Variants in DAB1 observed in about 807,000 individuals in gnomAD.
DAB1 encodes disabled homolog 1.
A neutral mutation model predicts 64.6 loss-of-function variants in DAB1; 15 were observed. That is an observed-to-expected ratio of 0.23 (90% confidence interval 0.16 to 0.36). The LOEUF (loss-of-function observed/expected upper bound fraction) is 0.36, where lower values mean the gene tolerates loss of function less well. Among genes scored for constraint, DAB1 ranks in the 10% least tolerant of loss-of-function variants. The pLI, the probability that DAB1 is intolerant of heterozygous loss-of-function variation, is 1.00. For synonymous variants in DAB1, 235 were observed against 251.9 expected (o/e 0.93, Z 0.64); for missense variants, 596 against 706.7 (o/e 0.84, Z 1.78).
intron 4 of DAB1, among the ~76,000 whole-genome samples, chr1:57,082,648 C>G (rs12025887): frequency 0.22 from 34,122 of 151,956 alleles, 4,584 homozygotes; most frequent in East Asian, 0.49. Context: ...AAGCCCACAC[C>G]CATAGCTATA....
intron 7 of DAB1, among the ~76,000 whole-genome samples, chr1:57,532,291 C>T (rs1255175540): frequency 6.6e-6 from 1 of 150,660 alleles, no homozygotes; most frequent in Non-Finnish European, 1.5e-5. Context: ...TTGTACAACA[C>T]AACTTCTTTA....
intron 7 of DAB1, among the ~76,000 whole-genome samples, chr1:57,439,446 T>TTTTTTTTTTTG (rs1685847161): frequency 7.0e-6 from 1 of 141,944 alleles, no homozygotes; most frequent in African/African-American, 2.7e-5. Flanking sequence ...TTTTTTTTTT[T>TTTTTTTTTTTG]TGAGACGGAG....
At chr1:58,222,558 A>G (rs1418358595) in intron 4 of DAB1, among the ~76,000 whole-genome samples, 1 of 152,216 alleles carries the variant, frequency 6.6e-6, no homozygotes, top group East Asian at 1.9e-4. Flanking sequence ...GTTCCTTGCC[A>G]TTTAACTATC....
At chr1:57,335,751 T>C (rs1677030317) in intron 1 of DAB1, among the ~76,000 whole-genome samples, 1 of 152,324 alleles carries the variant, frequency 6.6e-6, no homozygotes, top group South Asian at 2.1e-4. Flanking sequence ...AGAATCCACA[T>C]AGTGTAGATA....
At chr1:58,210,311 G>GT (rs1362778659) in intron 4 of DAB1, among the ~76,000 whole-genome samples, 1 of 152,148 alleles carries the variant, frequency 6.6e-6, no homozygotes, top group East Asian at 1.9e-4. Flanking sequence ...CACAGAAGCT[G>GT]GAATTGGTAT....
chr1:57,569,601 G>A (rs949082601), intron 7 of DAB1, among the ~76,000 whole-genome samples: 5 of 151,750 alleles, frequency 3.3e-5, no homozygotes, highest in Admixed American at 1.3e-4. Flanking sequence ...CTGTTGTGTG[G>A]TGGGGGTAGG....
chr1:57,358,353 A>C (rs1243856804), intron 1 of DAB1, among the ~76,000 whole-genome samples: 4 of 152,044 alleles, frequency 2.6e-5, no homozygotes, highest in Admixed American at 6.6e-5. Flanking sequence ...AGCTTTTATT[A>C]TAAAGAGATG....
chr1:58,490,313 G>A (rs1257915821), intron 3 of DAB1, among the ~76,000 whole-genome samples: 2 of 152,032 alleles, frequency 1.3e-5, no homozygotes, highest in African/African-American at 2.4e-5. Context: ...CTCAGTAGCC[G>A]ATTCGATCAA....
intron 2 of DAB1, among the ~76,000 whole-genome samples, chr1:57,249,423 T>C (rs1440691132): frequency 6.6e-6 from 1 of 152,158 alleles, no homozygotes; most frequent in Non-Finnish European, 1.5e-5. Context: ...CAGGCTGGAG[T>C]GCAGTGGCAT....
At chr1:58,049,836 A>ACG in intron 5 of DAB1, among the ~76,000 whole-genome samples, 1 of 152,100 alleles carries the variant, frequency 6.6e-6, no homozygotes, top group South Asian at 2.1e-4. Flanking sequence ...ACACACACAC[A>ACG]CACAGCAGTG....
At chr1:57,740,763 C>T (rs1040399770) in intron 6 of DAB1, among the ~76,000 whole-genome samples, 11 of 152,148 alleles carry the variant, frequency 7.2e-5, no homozygotes, top group Admixed American at 1.3e-4. Context: ...CTGTCTTCCA[C>T]GCACTGGGCT....
intron 2 of DAB1, among the ~76,000 whole-genome samples, chr1:57,201,157 G>C (rs1034171740): frequency 6.6e-6 from 1 of 152,112 alleles, no homozygotes; most frequent in Non-Finnish European, 1.5e-5. Context: ...CACTAAATGA[G>C]ACCACCTTGC....
intron 4 of DAB1, among the ~76,000 whole-genome samples, chr1:58,151,444 T>C (rs1654931744): frequency 6.6e-6 from 1 of 152,218 alleles, no homozygotes; most frequent in Admixed American, 6.5e-5. Context: ...TGATGGCCAG[T>C]GATGAGAGCA....
At chr1:57,392,420 A>C (rs1349017907) in intron 1 of DAB1, among the ~76,000 whole-genome samples, 2 of 152,078 alleles carry the variant, frequency 1.3e-5, no homozygotes, top group Non-Finnish European at 2.9e-5. Context: ...GAACACTCCT[A>C]CTTATTAGGC....
chr1:58,012,052 A>G (rs1646675955), intron 5 of DAB1, among the ~76,000 whole-genome samples: 1 of 152,154 alleles, frequency 6.6e-6, no homozygotes, highest in South Asian at 2.1e-4. Flanking sequence ...TTATATATTT[A>G]ACAAAGTTCC....
chr1:58,405,382 A>T (rs1016216024), intron 3 of DAB1, among the ~76,000 whole-genome samples: 6 of 148,290 alleles, frequency 4.0e-5, no homozygotes, highest in Admixed American at 4.0e-4. Context: ...TGTTTGTTTA[A>T]TTTTTTTTTT....
chr1:57,066,193 T>G (rs1049373358), intron 8 of DAB1, among the ~76,000 whole-genome samples: 3 of 152,184 alleles, frequency 2.0e-5, no homozygotes, highest in African/African-American at 7.2e-5. Context: ...AATGACCATG[T>G]GGAAAGCTGA....
intron 1 of DAB1, among the ~76,000 whole-genome samples, chr1:57,881,520 C>A (rs927788395): frequency 6.6e-6 from 1 of 152,134 alleles, no homozygotes; most frequent in African/African-American, 2.4e-5. Flanking sequence ...CTTTTTGAAT[C>A]TTTGCTTCCT....
intron 4 of DAB1, among the ~76,000 whole-genome samples, chr1:57,103,324 C>T (rs955119024): frequency 6.6e-6 from 1 of 152,168 alleles, no homozygotes; most frequent in African/African-American, 2.4e-5. Flanking sequence ...CAACACCGGA[C>T]AAGTCAGTGC....
Sources: gnomAD v4.1 joint callset for allele counts (sites outside exome capture counted in the v4.1 genomes callset) on GRCh38, gnomAD v4.1.1 for gene constraint, MANE v1.5 for transcripts, NCBI Gene and HGNC (gene_info 2026-07-23, HGNC 2026-07-21) for gene names.